Variants in RSL1D1 observed in about 807,000 individuals in gnomAD.
The protein encoded by RSL1D1 is ribosomal L1 domain-containing protein 1.
A neutral mutation model predicts 44.6 loss-of-function variants in RSL1D1; 34 were observed. That is an observed-to-expected ratio of 0.76 (90% CI 0.58 to 1.02). RSL1D1 has a LOEUF of 1.02. Ranked by LOEUF, RSL1D1 falls within the 50% of genes least tolerant of loss-of-function variation. RSL1D1 has a pLI of 0.00. For missense variants in RSL1D1, 767 were observed against 568.1 expected (o/e 1.35, Z -3.56); for synonymous variants, 271 against 207.4 (o/e 1.31, Z -2.63).
chr16:11,850,204 C>T lies in RSL1D1; in HGVS notation c.245+75G>A. The stretch of plus-strand genomic sequence containing the variant: ...AAGTTTGCAAAGTTTCCATTAGTAA[C>T]CATGATGCAATTGTTCGAGTTACAA... On this transcript the variant is annotated intron_variant, in intron 2 of 8. Coordinates refer to ENST00000571133, the MANE Select transcript of RSL1D1 (RefSeq NM_015659.3). 4 of 1,383,534 alleles carry T rather than the reference C, an allele frequency of 2.9e-6. No individual in the cohort carries two copies. In the Admixed American group the frequency reaches 1.1e-4, roughly 37 times the overall value. The allele number at this position is 1,383,534 out of a possible 1,614,324, so 85.7% of individuals were successfully genotyped here.
chr16:11,846,086 G>A (rs1321046478), intron 5 of RSL1D1, among the ~76,000 whole-genome samples: 1 of 150,580 alleles, frequency 6.6e-6, no homozygotes, highest in Non-Finnish European at 1.5e-5. Flanking sequence ...AGGATCTGGA[G>A]CCATTAACAA....
At chr16:11,839,561 TG>T in intron 8 of RSL1D1, 133 bp downstream of exon 8, 4 of 1,049,990 alleles carry the variant, frequency 3.8e-6, no homozygotes, top group Non-Finnish European at 5.2e-6. Context: ...CAATAAATCA[TG>T]ATATGATAAC....
rs908288436 is a variant in RSL1D1, at chr16:11,837,639, C to G, written c.*148G>C. 6 of 710,760 alleles carry G rather than the reference C, an allele frequency of 8.4e-6. No individual in the cohort carries two copies. The Admixed American group carries it at 1.2e-4, about 15-fold the overall frequency. 44.0% of individuals were successfully genotyped at this position (710,760 alleles called of 1,614,324 possible). On this transcript the variant is annotated 3_prime_UTR_variant, in exon 9 of 9. Coordinates refer to ENST00000571133, the MANE Select transcript of RSL1D1 (RefSeq NM_015659.3). ...TGCTGGGATTACAGGCGTGAGCCACCGCCCCTGGACTACTTATGGAGGTTT... is the reference window on the plus strand; with the variant it reads ...TGCTGGGATTACAGGCGTGAGCCACGGCCCCTGGACTACTTATGGAGGTTT...
chr16:11,844,115 A>T (rs1254014453), intron 5 of RSL1D1, among the ~76,000 whole-genome samples: 1 of 152,158 alleles, frequency 6.6e-6, no homozygotes, highest in East Asian at 1.9e-4. Flanking sequence ...CTTCAGCCAA[A>T]GACTGGGCAC....
rs570965386 is a variant in RSL1D1 at position 11,846,758 on chromosome 16, G to T, written c.470C>A (p.Thr157Asn). 1 of 1,613,844 alleles carries T rather than the reference G, an allele frequency of 6.2e-7. No homozygotes were observed. Among genetic ancestry groups the T allele is most frequent in the African/African-American group, 1.3e-5 (1 of 74,948 alleles). The stretch of plus-strand genomic sequence containing the variant: ...TAAGAGCCGCCTAATTCTGGCATCA[G>T]TAAGGAAGAAATCAAAACTGCTCAG... ...RLLSSFDFFL[T>N]DARIRRLLPS... Residue 157 changes from threonine to asparagine, a missense_variant, in exon 4 of 9, where the codon ACT becomes AAT. By Grantham distance (65) the Thr-to-Asn change is moderately conservative (BLOSUM62 0). Coordinates refer to ENST00000571133, the MANE Select transcript of RSL1D1 (RefSeq NM_015659.3).
intron 7 of RSL1D1, chr16:11,841,265 G>C (rs1463654060): frequency 6.4e-6 from 1 of 157,356 alleles, no homozygotes; most frequent in Non-Finnish European, 1.4e-5. Context: ...TTAAAAATTA[G>C]CTGGGCATGG....
chr16:11,841,981 C>G lies in RSL1D1; in HGVS notation c.655G>C (p.Val219Leu), dbSNP rs754350771. 4 of 1,613,312 alleles carry G rather than the reference C, an allele frequency of 2.5e-6. No individual in the cohort carries two copies. The highest frequency in any genetic ancestry group is 3.3e-5 in the Admixed American group (2 of 59,918). ...GSCSAIRIGH[V>L]GMQIEHIIEN... ...ATGATGTGCTCAATTTGCATTCCAA[C>G]GTGACCAATACGTATAGCACTGAAA... Residue 219 changes from valine to leucine, a missense_variant, in exon 6 of 9, where the codon GTT becomes CTT. Val to Leu is a conservative substitution (Grantham distance 32). Coordinates refer to ENST00000571133, the MANE Select transcript of RSL1D1 (RefSeq NM_015659.3).
rs1442586924 is a variant in RSL1D1 at position 11,840,067 on chromosome 16, T to C, written c.856-82A>G. On this transcript the variant is annotated intron_variant, in intron 7 of 8. Transcript: ENST00000571133. The stretch of plus-strand genomic sequence containing the variant: ...CGGCATAGATGTACCACGTGCAGTT[T>C]TGATTATCCATAAGCCCCTAAATGG... 7.1e-6 allele frequency: 11 copies of C among 1,541,384 alleles called. No individual in the cohort carries two copies. The South Asian group carries it at 1.0e-4, about 14-fold the overall frequency.
chr16:11,850,229 A>T (rs779027353), intron 2 of RSL1D1, 50 bp downstream of exon 2: 10 of 1,506,568 alleles, frequency 6.6e-6, no homozygotes, highest in African/African-American at 1.4e-5. Context: ...TCGAGTTACA[A>T]AGAATAAACA....
chr16:11,841,667 T>A (rs200649739), intron 7 of RSL1D1, 28 bp downstream of exon 7: 1 of 1,594,216 alleles, frequency 6.3e-7, no homozygotes, highest in Non-Finnish European at 8.6e-7. Context: ...TCATTATTCA[T>A]TCTGTAAGTA....
chr16:11,844,923 C>T (rs1471165900), intron 5 of RSL1D1, among the ~76,000 whole-genome samples: 1 of 152,254 alleles, frequency 6.6e-6, no homozygotes, highest in Admixed American at 6.5e-5. Context: ...GCCTGAACCG[C>T]ATCCTTTGCT....
chr16:11,836,381 G>A lies in RSL1D1; in HGVS notation c.*1406C>T, dbSNP rs1207240742. On this transcript the variant is annotated 3_prime_UTR_variant, in exon 9 of 9. Coordinates refer to ENST00000571133, the MANE Select transcript of RSL1D1 (RefSeq NM_015659.3). ...TCTAGCACCCACATTATCTTTGAAA[G>A]CAGTTGAGTCTTTGGCATGCAAGAA... 6.6e-6 allele frequency: 1 copy of A among 152,186 alleles called. No homozygotes were observed. The highest frequency in any genetic ancestry group is 1.5e-5 in the Non-Finnish European group (1 of 68,040). 9.4% of individuals were successfully genotyped at this position (152,186 alleles called of 1,614,324 possible). A position where few individuals can be genotyped will look rare whatever the true frequency, so the allele number is the denominator to read the frequency against.
rs372321124 is a variant in RSL1D1, at chr16:11,841,763, T to C, written c.787A>G (p.Ile263Val). Residue 263 changes from isoleucine to valine, a missense_variant, in exon 7 of 9, where the codon ATC becomes GTC. Coordinates refer to ENST00000571133, the MANE Select transcript of RSL1D1 (RefSeq NM_015659.3). ...CAATTGCTGACAAACGAGGAAAAGA[T>C]GGGAAGTGCAGCCGATTTCTCAGTT... ...VKTEKSAALP[I>V]FSSFVSNWDE... 169 of 1,614,008 alleles carry C rather than the reference T, an allele frequency of 1.0e-4. No homozygotes were observed. The highest frequency in any genetic ancestry group is 2.8e-4 in the African/African-American group (21 of 74,946).
At position 11,847,677 on chromosome 16, in the gene RSL1D1, G is replaced by A. The variant is rs529336425; in HGVS notation, c.375C>T (p.Thr125=). The change falls in exon 3 of 9, where the codon ACC becomes ACT. Residue 125 remains threonine (T), a synonymous_variant. Coordinates refer to ENST00000571133, the MANE Select transcript of RSL1D1 (RefSeq NM_015659.3). ...TAACCAGGCTTCCTACCTGAGAAAC[G>A]GTTTTAATTCCATGCTTGTTTAAAA... ...RKLLNKHGIK[T]VSQIISLQTL... is the part of the protein sequence containing the mutation. 12 of 1,606,536 alleles carry A rather than the reference G, an allele frequency of 7.5e-6. No individual in the cohort carries two copies. The highest frequency in any genetic ancestry group is 2.2e-5 in the East Asian group (1 of 44,762).
At chr16:11,838,179 G>C in intron 8 of RSL1D1, 66 bp from the exon 9 acceptor site, 1 of 1,256,222 alleles carries the variant, frequency 8.0e-7, no homozygotes, top group Non-Finnish European at 1.1e-6. Flanking sequence ...AACTCCAGGA[G>C]TTACTGTTTT....
At position 11,837,867 on chromosome 16, in the gene RSL1D1, T is replaced by C; in HGVS notation, c.1393A>G (p.Thr465Ala). 2 of 1,613,996 alleles carry C rather than the reference T, an allele frequency of 1.2e-6. No homozygotes were observed. Among genetic ancestry groups the C allele is most frequent in the African/African-American group, 1.3e-5 (1 of 74,974 alleles). The change falls in exon 9 of 9, where the codon ACT becomes GCT. Residue 465 changes from threonine (T) to alanine (A), a missense_variant. Coordinates refer to ENST00000571133, the MANE Select transcript of RSL1D1 (RefSeq NM_015659.3). Reference sequence around the variant, plus strand: ...GCTTTTCTCACAGATTTACTAGGAGTGGTGAAAAACTTGGCCTCTGGCTTT... The same window carrying C: ...GCTTTTCTCACAGATTTACTAGGAGCGGTGAAAAACTTGGCCTCTGGCTTT... ...PKKPEAKFFT[T>A]PSKSVRKASH...
At chr16:11,843,070 C>T (rs563968121) in intron 5 of RSL1D1, among the ~76,000 whole-genome samples, 8 of 150,342 alleles carry the variant, frequency 5.3e-5, no homozygotes, top group African/African-American at 1.7e-4. Flanking sequence ...TACAGGAATG[C>T]GCCACCACGC....
chr16:11,849,834 A>C (rs190453364), intron 2 of RSL1D1, among the ~76,000 whole-genome samples: 1 of 152,102 alleles, frequency 6.6e-6, no homozygotes, highest in Non-Finnish European at 1.5e-5. Flanking sequence ...CTGAATTTCT[A>C]CGGTTCTTTT....
rs1011473014 is a variant in RSL1D1, at chr16:11,834,746, T to C, written c.*3041A>G. Reference sequence around the variant, plus strand: ...CATTTATAGAAGCCCAAAAGGACAGTGGGGTTACAAATAATTTTATATTTT... The same window carrying C: ...CATTTATAGAAGCCCAAAAGGACAGCGGGGTTACAAATAATTTTATATTTT... On this transcript the variant is annotated 3_prime_UTR_variant, in exon 9 of 9. Coordinates refer to ENST00000571133, the MANE Select transcript of RSL1D1 (RefSeq NM_015659.3). 3 of 152,176 alleles carry C rather than the reference T, an allele frequency of 2.0e-5. No individual in the cohort carries two copies. The highest frequency in any genetic ancestry group is 7.2e-5 in the African/African-American group (3 of 41,446). 9.4% of individuals were successfully genotyped at this position (152,176 alleles called of 1,614,324 possible).
Sources: allele counts gnomAD v4.1 joint callset (sites outside exome capture counted in the v4.1 genomes callset), GRCh38; gene constraint gnomAD v4.1.1; transcripts MANE v1.5; gene names NCBI Gene and HGNC (gene_info 2026-07-23, HGNC 2026-07-21).